The following CNTN5 variants were observed in gnomAD, a reference collection of about 807,000 sequenced individuals.
The protein encoded by CNTN5 is contactin-5.
A neutral mutation model predicts 129.1 loss-of-function variants in CNTN5; 77 were observed. The ratio of observed to expected loss-of-function variants is 0.60; its 90% CI spans 0.50 to 0.72. The LOEUF is 0.72. Ranked by LOEUF, CNTN5 falls within the 30% of genes least tolerant of loss-of-function variation. The pLI is 0.00. For missense variants in CNTN5, 1,478 were observed against 1,328.8 expected (o/e 1.11, Z -1.75); for synonymous variants, 509 against 465.6 (o/e 1.09, Z -1.20).
intron 2 of CNTN5, among the ~76,000 whole-genome samples, chr11:99,545,663 T>C (rs1370154929): frequency 6.6e-6 from 1 of 152,200 alleles, no homozygotes; most frequent in Non-Finnish European, 1.5e-5. Flanking sequence ...CCATGTGAAA[T>C]ATTTATTACC....
chr11:99,958,647 T>C (rs921665081), intron 8 of CNTN5, among the ~76,000 whole-genome samples: 7 of 152,170 alleles, frequency 4.6e-5, no homozygotes, highest in African/African-American at 1.7e-4. Flanking sequence ...TAAGAGTGTC[T>C]ATAGATGGAA....
chr11:100,016,065 C>T (rs1940804835), intron 9 of CNTN5, among the ~76,000 whole-genome samples: 1 of 152,002 alleles, frequency 6.6e-6, no homozygotes, highest in Non-Finnish European at 1.5e-5. Flanking sequence ...TCTCTTATGT[C>T]TCTGATGCTT....
At chr11:99,608,663 A>G (rs564837393) in intron 3 of CNTN5, among the ~76,000 whole-genome samples, 83 of 152,304 alleles carry the variant, frequency 5.4e-4, no homozygotes, top group African/African-American at 1.9e-3. Context: ...TTTTATCCTC[A>G]GAGCCTCCAG....
chr11:100,268,566 A>C (rs1290256337), intron 17 of CNTN5, among the ~76,000 whole-genome samples: 1 of 152,178 alleles, frequency 6.6e-6, no homozygotes, highest in East Asian at 1.9e-4. Flanking sequence ...TAAAATGAAG[A>C]CTGAGAATTG....
intron 18 of CNTN5, among the ~76,000 whole-genome samples, chr11:100,278,841 G>A (rs971465084): frequency 6.6e-6 from 1 of 151,864 alleles, no homozygotes; most frequent in Non-Finnish European, 1.5e-5. Context: ...CCAGTACTAT[G>A]CTGAAAAATA....
At chr11:99,143,154 A>G (rs1430187555) in intron 1 of CNTN5, among the ~76,000 whole-genome samples, 1 of 152,054 alleles carries the variant, frequency 6.6e-6, no homozygotes. Flanking sequence ...CGATGACATT[A>G]AGGCAGAAAT....
At chr11:99,622,566 T>G (rs1294823095) in intron 3 of CNTN5, among the ~76,000 whole-genome samples, 1 of 152,120 alleles carries the variant, frequency 6.6e-6, no homozygotes, top group Non-Finnish European at 1.5e-5. Context: ...TCTTGTGTGT[T>G]AAGGTGTGGA....
intron 6 of CNTN5, among the ~76,000 whole-genome samples, chr11:99,897,037 A>G (rs1239217349): frequency 6.6e-6 from 1 of 152,196 alleles, no homozygotes; most frequent in Non-Finnish European, 1.5e-5. Flanking sequence ...CATCTGAACT[A>G]GACTAGACCA....
chr11:100,245,285 A>G (rs1478507123), intron 16 of CNTN5, among the ~76,000 whole-genome samples: 2 of 152,152 alleles, frequency 1.3e-5, no homozygotes, highest in Non-Finnish European at 2.9e-5. Flanking sequence ...ATACAACAGG[A>G]GAAGGAGCTA....
intron 13 of CNTN5, among the ~76,000 whole-genome samples, chr11:100,163,618 C>A (rs2138373847): frequency 6.6e-6 from 1 of 151,954 alleles, no homozygotes; most frequent in East Asian, 1.9e-4. Flanking sequence ...ATCAATCAAT[C>A]AGTTGTCTGA....
intron 6 of CNTN5, among the ~76,000 whole-genome samples, chr11:99,864,901 A>G (rs1484135352): frequency 6.6e-6 from 1 of 152,228 alleles, no homozygotes; most frequent in Non-Finnish European, 1.5e-5. Flanking sequence ...AAAAGGTATA[A>G]AAGCTTCAAA....
intron 2 of CNTN5, among the ~76,000 whole-genome samples, chr11:99,486,522 A>G (rs1436704838): frequency 2.0e-5 from 3 of 152,172 alleles, no homozygotes; most frequent in Non-Finnish European, 4.4e-5. Flanking sequence ...ATTTTAGAAC[A>G]ATTTATTTAA....
intron 17 of CNTN5, among the ~76,000 whole-genome samples, chr11:100,270,013 A>G (rs1950379603): frequency 6.6e-6 from 1 of 152,076 alleles, no homozygotes; most frequent in African/African-American, 2.4e-5. Flanking sequence ...TTAGACTCCA[A>G]GCGTACTGCT....
intron 2 of CNTN5, among the ~76,000 whole-genome samples, chr11:99,470,682 G>A (rs1945136506): frequency 6.6e-6 from 1 of 151,984 alleles, no homozygotes; most frequent in Admixed American, 6.6e-5. Context: ...CATCAAACTT[G>A]ATTTACAAAA....
At chr11:100,026,731 T>G (rs1165724233) in intron 9 of CNTN5, among the ~76,000 whole-genome samples, 2 of 152,198 alleles carry the variant, frequency 1.3e-5, no homozygotes, top group Non-Finnish European at 2.9e-5. Flanking sequence ...GTCAGATTGT[T>G]TTCTTATTGT....
intron 13 of CNTN5, among the ~76,000 whole-genome samples, chr11:100,156,696 A>G (rs1383410252): frequency 6.6e-6 from 1 of 151,986 alleles, no homozygotes; most frequent in South Asian, 2.1e-4. Flanking sequence ...CAGGGATTCA[A>G]CTTCTTCCTG....
chr11:100,190,457 A>G (rs775786465), intron 13 of CNTN5, among the ~76,000 whole-genome samples: 2 of 152,188 alleles, frequency 1.3e-5, no homozygotes, highest in African/African-American at 2.4e-5. Context: ...TTTTCACTGA[A>G]CTTCTAAAAA....
At position 99,964,386 on chromosome 11, in the gene CNTN5, A is replaced by G. The variant is rs574242826; in HGVS notation, c.877+7377A>G. Among the ~76,000 whole-genome samples the G allele has an allele frequency of 3.3e-5, 5 of 152,302 alleles. No individual in the cohort carries two copies. In the East Asian group the frequency reaches 7.7e-4, roughly 24 times the overall value. ...GCATGAAGATTGTTGAATTTTGTCAAAGGCCTTTTTCTGCATCTATTGTGA... is the reference window on the plus strand; with the variant it reads ...GCATGAAGATTGTTGAATTTTGTCAGAGGCCTTTTTCTGCATCTATTGTGA... On this transcript the variant is annotated intron_variant, in intron 8 of 24. Transcript: ENST00000524871.
At chr11:99,769,444 G>T (rs1944868771) in intron 3 of CNTN5, among the ~76,000 whole-genome samples, 1 of 152,052 alleles carries the variant, frequency 6.6e-6, no homozygotes, top group Non-Finnish European at 1.5e-5. Context: ...CAAATTCAGT[G>T]ATATATGGTT....
Sources: allele counts gnomAD v4.1 joint callset (sites outside exome capture counted in the v4.1 genomes callset), GRCh38; gene constraint gnomAD v4.1.1; transcripts MANE v1.5; gene names NCBI Gene and HGNC (gene_info 2026-07-23, HGNC 2026-07-21).